The following DLGAP4 variants were observed in gnomAD, a reference collection of about 807,000 sequenced individuals.
DLGAP4 encodes the protein disks large-associated protein 4.
Under a neutral mutation model 86.9 loss-of-function variants are expected in DLGAP4, and 18 were observed. The ratio of observed to expected loss-of-function variants is 0.21; its 90% CI spans 0.14 to 0.31. The LOEUF (loss-of-function observed/expected upper bound fraction) is 0.31, where lower values mean the gene tolerates loss of function less well. Among genes scored for constraint, DLGAP4 ranks in the 10% least tolerant of loss-of-function variants. DLGAP4 has a pLI of 1.00. For missense variants in DLGAP4, 1,085 were observed against 1,362.6 expected, an observed-to-expected ratio of 0.80 and a Z score of 3.21; for synonymous variants, 548 against 574.3, an observed-to-expected ratio of 0.95 and a Z score of 0.65.
Position 36,439,737 on chromosome 20 carries a change from T to TC in DLGAP4, c.1242-13dup. The TC allele has an allele frequency of 6.2e-7, 1 of 1,607,212 alleles. No individual in the cohort carries two copies. Among genetic ancestry groups the TC allele is most frequent in the East Asian group, 2.2e-5 (1 of 44,608 alleles). On this transcript the variant is annotated splice_polypyrimidine_tract_variant and intron_variant, in intron 4 of 12. Transcript: ENST00000339266. ...AATGGGTGGGCTGAGCCCTGTCTGC[T>TC]CCCCACTCCCCACCAGGAGTCTGGA... is the stretch of plus-strand genomic sequence containing the variant.
chr20:36,335,907 G>T (rs2065316974), intron 1 of DLGAP4, among the ~76,000 whole-genome samples: 1 of 152,106 alleles, frequency 6.6e-6, no homozygotes, highest in African/African-American at 2.4e-5. Flanking sequence ...TGACTCCCAG[G>T]GGTTGCAAAC....
chr20:36,372,304 G>A (rs979382163), intron 2 of DLGAP4, among the ~76,000 whole-genome samples: 1 of 152,064 alleles, frequency 6.6e-6, no homozygotes, highest in African/African-American at 2.4e-5. Context: ...CTCTCCCTCC[G>A]TCACTGGGAG....
chr20:36,508,422 C>CTTTTTTTTTTTTTTTTTT (rs745815364), intron 10 of DLGAP4: 1 of 94,468 alleles, frequency 1.1e-5, no homozygotes. Flanking sequence ...TTTCAGGGTT[C>CTTTTTTTTTTTTTTTTTT]TTTTTTTTTT....
chr20:36,450,224 G>A (rs186771391), intron 7 of DLGAP4, among the ~76,000 whole-genome samples: 8 of 152,296 alleles, frequency 5.3e-5, no homozygotes, highest in Non-Finnish European at 1.0e-4. Flanking sequence ...CTGGGTGGGC[G>A]CAGTGGCTCA....
chr20:36,332,941 A>G (rs1555891719), intron 1 of DLGAP4, among the ~76,000 whole-genome samples: 1 of 152,232 alleles, frequency 6.6e-6, no homozygotes, highest in Non-Finnish European at 1.5e-5. Flanking sequence ...AGGAAGCTCC[A>G]GACAGGAGGC....
chr20:36,318,918 G>A (rs1224642640), intron 1 of DLGAP4, among the ~76,000 whole-genome samples: 3 of 152,150 alleles, frequency 2.0e-5, no homozygotes, highest in Non-Finnish European at 2.9e-5. Context: ...GGCCAAGGCG[G>A]GAGGATCATG....
chr20:36,384,240 G>C (rs2031514564), intron 2 of DLGAP4, among the ~76,000 whole-genome samples: 1 of 152,078 alleles, frequency 6.6e-6, no homozygotes, highest in Admixed American at 6.5e-5. Flanking sequence ...TAGAGATTTG[G>C]CCTGGTCCCG....
chr20:36,403,405 T>A (rs1306625904), intron 2 of DLGAP4, among the ~76,000 whole-genome samples: 1 of 152,186 alleles, frequency 6.6e-6, no homozygotes, highest in Non-Finnish European at 1.5e-5. Flanking sequence ...AATTTCAACA[T>A]GAGTTTTAGA....
At chr20:36,449,608 G>A (rs2033683479) in intron 7 of DLGAP4, among the ~76,000 whole-genome samples, 1 of 152,178 alleles carries the variant, frequency 6.6e-6, no homozygotes, top group African/African-American at 2.4e-5. Context: ...GGCCGTGGGT[G>A]AAGGATAACA....
Position 36,439,744 on chromosome 20 carries a change from TC to T in DLGAP4, c.1242-6del, listed in dbSNP as rs745919299. 35 of 1,610,480 alleles carry T rather than the reference TC, an allele frequency of 2.2e-5. No homozygotes were observed. The East Asian group carries it at 6.3e-4, about 29-fold the overall frequency. ...GGGCTGAGCCCTGTCTGCTCCCCAC[TC>T]CCCACCAGGAGTCTGGACCGCCTGG... On this transcript the variant is annotated splice_polypyrimidine_tract_variant and intron_variant, in intron 4 of 12. Coordinates refer to ENST00000339266, the MANE Select transcript of DLGAP4 (RefSeq NM_001365621.2).
At chr20:36,499,383 C>G in intron 8 of DLGAP4, 1 of 1,535,678 alleles carries the variant, frequency 6.5e-7, no homozygotes, top group Non-Finnish European at 8.8e-7. Context: ...GCCCGCCCGC[C>G]TGCCCGCCTC....
chr20:36,476,294 C>G (rs998980290), intron 7 of DLGAP4, among the ~76,000 whole-genome samples: 41 of 150,994 alleles, frequency 2.7e-4, no homozygotes, highest in African/African-American at 4.9e-4. Flanking sequence ...CCCATTACCC[C>G]CTTGCCTGGT....
At position 36,431,084 on chromosome 20, in the gene DLGAP4, G is replaced by A. The variant is rs1236816907; in HGVS notation, c.-72-562G>A. Among the ~76,000 whole-genome samples, 1 of 152,098 alleles carries A rather than the reference G, an allele frequency of 6.6e-6. No individual in the cohort carries two copies. Among genetic ancestry groups the A allele is most frequent in the Non-Finnish European group, 1.5e-5 (1 of 68,012 alleles). ...GCTGCATCCCCCCATAGACCACCCT[G>A]GATACTGGGCACCCTGGGATTCCCT... On this transcript the variant is annotated intron_variant, in intron 2 of 12. Coordinates refer to ENST00000339266, the MANE Select transcript of DLGAP4 (RefSeq NM_001365621.2). The surrounding 1 kb of genome is among the most constrained non-coding windows in gnomAD (Gnocchi z 5.1).
chr20:36,358,888 T>C (rs2147400091), intron 1 of DLGAP4, among the ~76,000 whole-genome samples: 1 of 152,316 alleles, frequency 6.6e-6, no homozygotes, highest in East Asian at 1.9e-4. Context: ...AGGTAGATCA[T>C]GGTAGAAATC....
At chr20:36,475,327 C>T (rs990629348) in intron 7 of DLGAP4, among the ~76,000 whole-genome samples, 3 of 152,218 alleles carry the variant, frequency 2.0e-5, no homozygotes, top group Non-Finnish European at 4.4e-5. Context: ...TCCCCTGCCT[C>T]AGCCTCCTGA....
At chr20:36,454,272 A>AC (rs398035646) in intron 7 of DLGAP4, among the ~76,000 whole-genome samples, 1 of 151,358 alleles carries the variant, frequency 6.6e-6, no homozygotes, top group African/African-American at 2.4e-5. Context: ...AAAAAAAAAA[A>AC]GATAGAAAGA....
chr20:36,434,309 A>G (rs776147615), intron 3 of DLGAP4, among the ~76,000 whole-genome samples: 1 of 152,216 alleles, frequency 6.6e-6, no homozygotes, highest in African/African-American at 2.4e-5. Context: ...ATCATCTTAT[A>G]TGAAATTCCA....
At chr20:36,464,262 T>C in intron 7 of DLGAP4, among the ~76,000 whole-genome samples, 1 of 152,192 alleles carries the variant, frequency 6.6e-6, no homozygotes, top group East Asian at 1.9e-4. Flanking sequence ...TCTGAAATCA[T>C]GGAATCCCTC....
At chr20:36,436,520 C>A (rs1427728820) in intron 4 of DLGAP4, among the ~76,000 whole-genome samples, 170 bp downstream of exon 4, 3 of 152,158 alleles carry the variant, frequency 2.0e-5, no homozygotes, top group Non-Finnish European at 4.4e-5. Context: ...AGAACCCCTT[C>A]ATTGAAATAA....
Sources: allele counts gnomAD v4.1 joint callset (sites outside exome capture counted in the v4.1 genomes callset), GRCh38; gene constraint gnomAD v4.1.1; non-coding constraint Gnocchi (gnomAD v3.1); transcripts MANE v1.5; gene names NCBI Gene and HGNC (gene_info 2026-07-23, HGNC 2026-07-21).